Variants in CSMD3 observed in about 807,000 individuals in gnomAD.
The protein encoded by CSMD3 is CUB and Sushi multiple domains 3.
Under a neutral mutation model 435.2 loss-of-function variants are expected in CSMD3, and 177 were observed. The ratio of observed to expected loss-of-function variants is 0.41; its 90% CI spans 0.36 to 0.46. The LOEUF (loss-of-function observed/expected upper bound fraction) is 0.46. CSMD3 is among the 20% of genes least tolerant of loss of function. The pLI, the probability that CSMD3 is intolerant of heterozygous loss-of-function variation, is 0.34. For synonymous variants in CSMD3, 1,656 were observed against 1,520.5 expected (o/e 1.09, Z -2.07); for missense variants, 4,265 against 4,504.6 (o/e 0.95, Z 1.52).
At chr8:112,711,974 T>C (rs2076619041) in intron 13 of CSMD3, among the ~76,000 whole-genome samples, 1 of 152,152 alleles carries the variant, frequency 6.6e-6, no homozygotes, top group Non-Finnish European at 1.5e-5. Flanking sequence ...GCCTAACTAT[T>C]AAGCTACTGG....
At chr8:112,280,195 A>G (rs1295791434) in intron 59 of CSMD3, among the ~76,000 whole-genome samples, 1 of 152,136 alleles carries the variant, frequency 6.6e-6, no homozygotes, top group African/African-American at 2.4e-5. Context: ...CCCTCCCACT[A>G]GTATCCCCAA....
chr8:112,321,727 C>T (rs976550133), intron 45 of CSMD3, among the ~76,000 whole-genome samples: 2 of 152,108 alleles, frequency 1.3e-5, no homozygotes, highest in Admixed American at 1.3e-4. Flanking sequence ...AAACATCTTC[C>T]TTCCAGTAGT....
chr8:113,356,777 G>C (rs1205392494), intron 1 of CSMD3, among the ~76,000 whole-genome samples: 26 of 152,096 alleles, frequency 1.7e-4, no homozygotes, highest in Admixed American at 1.7e-3. Flanking sequence ...CACATCTTGT[G>C]AGTGAAAGCT....
intron 18 of CSMD3, among the ~76,000 whole-genome samples, chr8:112,653,123 G>C (rs546458020): frequency 2.6e-5 from 4 of 152,242 alleles, no homozygotes; most frequent in South Asian, 4.1e-4. Context: ...GCTAGTTTTA[G>C]AAAATTCTTA....
intron 64 of CSMD3, among the ~76,000 whole-genome samples, chr8:112,246,772 A>C (rs10105433): frequency 0.66 from 100,974 of 152,070 alleles, 35,329 homozygotes; most frequent in African/African-American, 0.89. Context: ...ACCAGGTGGC[A>C]AAACTAAACA....
intron 12 of CSMD3, among the ~76,000 whole-genome samples, chr8:112,807,506 AG>A (rs2079119623): frequency 1.3e-5 from 2 of 148,196 alleles, no homozygotes; most frequent in African/African-American, 5.2e-5. Context: ...GTAGGTAGGT[AG>A]GTAGGTAGGT....
At chr8:113,199,830 CTT>C (rs1564418563) in intron 3 of CSMD3, among the ~76,000 whole-genome samples, 1 of 151,680 alleles carries the variant, frequency 6.6e-6, no homozygotes. Context: ...AAAAAAATGA[CTT>C]ATTAAAGGTT....
chr8:113,398,469 C>A (rs373220373), intron 1 of CSMD3, among the ~76,000 whole-genome samples: 1 of 152,082 alleles, frequency 6.6e-6, no homozygotes, highest in Non-Finnish European at 1.5e-5. Context: ...TTTTACTTTT[C>A]AGAATATTCC....
At position 112,666,389 on chromosome 8, in the gene CSMD3, G is replaced by C. The variant is rs2131708036; in HGVS notation, c.2704C>G (p.Pro902Ala). ...GAPCGGHFSA[P>A]SGVILSPGWP... ...CCTGGTGAGAGAATCACTCCACTGG[G>C]AGCTGAAAAATGGCCACCACATGGG... The change falls in exon 17 of 71, where the codon CCC becomes GCC. Residue 902 changes from proline (P) to alanine (A), a missense_variant. Pro to Ala is a conservative substitution (Grantham distance 27). Coordinates refer to ENST00000297405, the MANE Select transcript of CSMD3 (RefSeq NM_198123.2). 6.2e-7 allele frequency: 1 copy of C among 1,612,524 alleles called. No homozygotes were observed. Among genetic ancestry groups the C allele is most frequent in the South Asian group, 1.1e-5 (1 of 90,954 alleles).
intron 22 of CSMD3, among the ~76,000 whole-genome samples, chr8:112,635,138 G>C (rs1164752277): frequency 6.6e-6 from 1 of 151,984 alleles, no homozygotes. Context: ...TGACAGGCTG[G>C]AGAGACAGCA....
chr8:112,313,785 A>G (rs1822209182), intron 49 of CSMD3, 121 bp downstream of exon 49: 2 of 754,500 alleles, frequency 2.7e-6, no homozygotes, highest in Admixed American at 4.1e-5. Flanking sequence ...TTGTCCAGGA[A>G]CCATCAATGG....
intron 10 of CSMD3, among the ~76,000 whole-genome samples, chr8:112,920,859 T>G (rs1158643800): frequency 2.6e-5 from 4 of 151,688 alleles, no homozygotes; most frequent in African/African-American, 9.7e-5. Flanking sequence ...TTCTTCTATA[T>G]TTAAAATTGT....
At chr8:112,242,433 A>G (rs989499026) in intron 65 of CSMD3, among the ~76,000 whole-genome samples, 21 of 152,160 alleles carry the variant, frequency 1.4e-4, no homozygotes, top group African/African-American at 4.8e-4. Context: ...CTCTGGCTGC[A>G]AAACCAAGAA....
At chr8:113,009,759 T>C (rs1245666747) in intron 6 of CSMD3, among the ~76,000 whole-genome samples, 1 of 151,868 alleles carries the variant, frequency 6.6e-6, no homozygotes, top group Non-Finnish European at 1.5e-5. Context: ...CTGAGTATTA[T>C]GAAATTATTA....
chr8:112,842,742 G>A (rs1197558094), intron 11 of CSMD3, among the ~76,000 whole-genome samples: 2 of 151,724 alleles, frequency 1.3e-5, no homozygotes, highest in Non-Finnish European at 2.9e-5. Context: ...ATTAGTATAT[G>A]AGGAATTTTA....
chr8:113,055,717 T>A (rs993568267), intron 5 of CSMD3, among the ~76,000 whole-genome samples: 2 of 151,962 alleles, frequency 1.3e-5, no homozygotes, highest in African/African-American at 4.8e-5. Context: ...AGAAGAAGGG[T>A]TATAAAGGAA....
chr8:113,401,338 T>G (rs1001753080), intron 1 of CSMD3, among the ~76,000 whole-genome samples: 1 of 151,724 alleles, frequency 6.6e-6, no homozygotes. Context: ...TAAAAATAAG[T>G]TTATTCCAAA....
At chr8:112,563,813 A>G (rs1828844647) in intron 24 of CSMD3, among the ~76,000 whole-genome samples, 1 of 151,790 alleles carries the variant, frequency 6.6e-6, no homozygotes, top group Non-Finnish European at 1.5e-5. Context: ...ACTTGTATTT[A>G]CTCTGTGAGG....
At chr8:112,239,781 G>T (rs1264055336) in intron 66 of CSMD3, among the ~76,000 whole-genome samples, 1 of 151,738 alleles carries the variant, frequency 6.6e-6, no homozygotes, top group Non-Finnish European at 1.5e-5. Context: ...CATTTTCTTT[G>T]TTATCTTATT....
Sources: gnomAD v4.1 joint callset for allele counts (sites outside exome capture counted in the v4.1 genomes callset) on GRCh38, gnomAD v4.1.1 for gene constraint, MANE v1.5 for transcripts, NCBI Gene and HGNC (gene_info 2026-07-23, HGNC 2026-07-21) for gene names.